The following NCKAP5L variants were observed in gnomAD, a reference collection of about 807,000 sequenced individuals.
NCKAP5L encodes the protein nck-associated protein 5-like.
In NCKAP5L, 54 loss-of-function variants were observed where a neutral mutation model predicts 103.2. The observed-to-expected ratio is 0.52, with a 90% CI of 0.42 to 0.66. The LOEUF (loss-of-function observed/expected upper bound fraction) is 0.66. NCKAP5L is among the 30% of genes least tolerant of loss of function. The probability of loss-of-function intolerance (pLI) is 0.00; values close to 1 mark genes in which losing one functional copy is unlikely to be tolerated. For missense variants in NCKAP5L, 1,733 were observed against 1,750.6 expected (o/e 0.99, Z 0.18); for synonymous variants, 762 against 748.6 (o/e 1.02, Z -0.29).
At chr12:49,819,931 G>C (rs779716850) in intron 1 of NCKAP5L, among the ~76,000 whole-genome samples, 2 of 152,230 alleles carry the variant, frequency 1.3e-5, no homozygotes, top group Non-Finnish European at 2.9e-5. Flanking sequence ...ACAGAAGTGA[G>C]GAGGCAGAAA....
Position 49,796,022 on chromosome 12 carries a change from T to C in NCKAP5L, c.1838A>G (p.Tyr613Cys), listed in dbSNP as rs768670404. The change falls in exon 8 of 13, where the codon TAC becomes TGC. Residue 613 changes from tyrosine to cysteine, a missense_variant. Coordinates refer to ENST00000335999, the MANE Select transcript of NCKAP5L (RefSeq NM_001037806.4). Reference protein sequence around the residue: ...VPPSPCLPESYPYGSPQEKSL... With the variant: ...VPPSPCLPESCPYGSPQEKSL... ...CTTCTCTTGGGGGCTCCCATAGGGG[T>C]ACGATTCTGGGAGGCAAGGACTGGG... The C allele has an allele frequency of 3.2e-6, 5 of 1,552,310 alleles. No individual in the cohort carries two copies. The highest frequency in any genetic ancestry group is 4.3e-6 in the Non-Finnish European group (5 of 1,154,486).
rs1234288036 is a variant in NCKAP5L, at chr12:49,797,344, G to A, written c.516C>T (p.Ala172=). The part of the protein sequence containing the change: ...LRPGGPGPPA[A]PPPALDALSP... ...ATAGGGCATCCAGCGCTGGGGGTGG[G>A]GCGGCTGGGGGGCCTGGGCCTCCTG... The change falls in exon 8 of 13, where the codon GCC becomes GCT. Residue 172 remains alanine (A), a synonymous_variant. Coordinates refer to ENST00000335999, the MANE Select transcript of NCKAP5L (RefSeq NM_001037806.4). This position sits in a 1 kb window ranked among gnomAD's most constrained non-coding sequence, Gnocchi z 4.5. 4.3e-6 allele frequency: 7 copies of A among 1,611,802 alleles called. No individual in the cohort carries two copies. Among genetic ancestry groups the A allele is most frequent in the Non-Finnish European group, 5.9e-6 (7 of 1,179,496 alleles).
At position 49,792,131 on chromosome 12, in the gene NCKAP5L, C is replaced by T. The variant is rs1442518691; in HGVS notation, c.3793-80G>A. 6.2e-6 allele frequency: 8 copies of T among 1,290,358 alleles called. No individual in the cohort carries two copies. The highest frequency in any genetic ancestry group is 2.7e-4 in the Middle Eastern group (1 of 3,666). 79.9% of individuals were successfully genotyped at this position (1,290,358 alleles called of 1,614,324 possible). On this transcript the variant is annotated intron_variant, in intron 12 of 12. Transcript: ENST00000335999. The surrounding 1 kb of genome is among the most constrained non-coding windows in gnomAD (Gnocchi z 4.5). ...CTCAGAGGCACTGAGCTCTGAGGGG[C>T]GTCTGTGCACCTGATGGGGGGCTGC...
Position 49,819,428 on chromosome 12 carries a change from G to T in NCKAP5L, c.-99+8894C>A, listed in dbSNP as rs186711544. 2.6e-4 allele frequency among the ~76,000 whole-genome samples: 40 copies of T among 152,276 alleles called. 1 individual carries two copies. Among genetic ancestry groups the T allele is most frequent in the African/African-American group, 8.4e-4 (35 of 41,560 alleles). ...TAGTCAAGATATGGAACCAACCTAA[G>T]TATCCATCAGTAGATGAATGGATAA... On this transcript the variant is annotated intron_variant, in intron 1 of 12. Transcript: ENST00000335999.
chr12:49,793,271 CG>C, intron 10 of NCKAP5L, 80 bp downstream of exon 10: 1 of 1,390,034 alleles, frequency 7.2e-7, no homozygotes, highest in Non-Finnish European at 1.0e-6. Flanking sequence ...GCACCTGCTG[CG>C]GGGACGGGAA....
intron 5 of NCKAP5L, chr12:49,802,245 G>T: frequency 3.1e-6 from 1 of 321,374 alleles, no homozygotes; most frequent in South Asian, 8.3e-5. Flanking sequence ...TCGACCCCCC[G>T]CCTCTTTTTT....
chr12:49,827,450 C>A (rs558631892), intron 1 of NCKAP5L, among the ~76,000 whole-genome samples: 2 of 152,234 alleles, frequency 1.3e-5, no homozygotes, highest in African/African-American at 4.8e-5. Context: ...GAGGTGAGGG[C>A]CCTCTGTGCC....
chr12:49,804,458 TA>T (rs200038607), intron 2 of NCKAP5L: 4 of 152,308 alleles, frequency 2.6e-5, no homozygotes, highest in Admixed American at 1.3e-4. Context: ...TTGAAGAAGT[TA>T]AAAAAAAACA....
At chr12:49,808,471 C>T (rs1024499025) in intron 1 of NCKAP5L, among the ~76,000 whole-genome samples, 5 of 152,170 alleles carry the variant, frequency 3.3e-5, no homozygotes, top group Non-Finnish European at 7.4e-5. Flanking sequence ...GGGAGGAGCA[C>T]GGGCCATGAG....
In NCKAP5L at chr12:49,798,377, A is replaced by G; in HGVS notation, c.438T>C (p.Pro146=). 1 of 1,565,838 alleles carries G rather than the reference A, an allele frequency of 6.4e-7. No individual in the cohort carries two copies. The highest frequency in any genetic ancestry group is 8.7e-7 in the Non-Finnish European group (1 of 1,154,620). The change falls in exon 7 of 13, where the codon CCT becomes CCC. Residue 146 remains proline, a synonymous_variant. Coordinates refer to ENST00000335999, the MANE Select transcript of NCKAP5L (RefSeq NM_001037806.4). ...SSTEGPAAPL[P]LGHCAGQREV... ...CTCTCTGCCCAGCACAGTGCCCCAGAGGCAGCGGGGCAGCCGGTCCCTCAG... is the reference window on the plus strand; with the variant it reads ...CTCTCTGCCCAGCACAGTGCCCCAGGGGCAGCGGGGCAGCCGGTCCCTCAG...
intron 1 of NCKAP5L, among the ~76,000 whole-genome samples, chr12:49,816,381 C>T (rs1393934145): frequency 6.6e-6 from 1 of 151,012 alleles, no homozygotes; most frequent in African/African-American, 2.4e-5. Flanking sequence ...CCCAAAAGAC[C>T]CCTAACTATC....
intron 1 of NCKAP5L, among the ~76,000 whole-genome samples, chr12:49,809,309 C>G (rs928211147): frequency 1.3e-5 from 2 of 152,170 alleles, no homozygotes; most frequent in Non-Finnish European, 2.9e-5. Context: ...AGACCCCTCC[C>G]TGAACAGAGA....
Position 49,792,486 on chromosome 12 carries a change from C to T in NCKAP5L, c.3752G>A (p.Cys1251Tyr). Residue 1251 changes from cysteine (C) to tyrosine (Y), a missense_variant, in exon 12 of 13, where the codon TGC (cysteine) becomes TAC (tyrosine). Transcript: ENST00000335999. This position sits in a 1 kb window ranked among gnomAD's most constrained non-coding sequence, Gnocchi z 4.5. ...CAGCCCCTCCAGTTGTCGGGGTGGG[C>T]ACATGAGAGGGTCCGAGGAGCTGCC... ...AAGSSSDPLMCPPRQLEGLPR... is the reference protein window; with the variant it reads ...AAGSSSDPLMYPPRQLEGLPR... 1 of 1,613,314 alleles carries T rather than the reference C, an allele frequency of 6.2e-7. No individual in the cohort carries two copies. The highest frequency in any genetic ancestry group is 8.5e-7 in the Non-Finnish European group (1 of 1,179,526).
intron 1 of NCKAP5L, among the ~76,000 whole-genome samples, chr12:49,820,550 T>C (rs1946350298): frequency 2.0e-5 from 3 of 152,054 alleles, no homozygotes; most frequent in Admixed American, 6.6e-5. Flanking sequence ...CTCCTGACCT[T>C]GTGATCCACC....
rs760781267 is a variant in NCKAP5L, at chr12:49,792,717, C to T, written c.3610G>A (p.Ala1204Thr). ...TCATGGCCCCGGTGGCCCGGAGCAG[C>T]GGGTAGCAGTGCAGGGAAGGCTGGC... is the stretch of plus-strand genomic sequence containing the variant. ...SMPAFPALLP[A>T]APGHRGHETC... Residue 1204 changes from alanine to threonine, a missense_variant, in exon 11 of 13, where the codon GCT becomes ACT. Transcript: ENST00000335999. This position sits in a 1 kb window ranked among gnomAD's most constrained non-coding sequence, Gnocchi z 4.5. 18 of 1,610,842 alleles carry T rather than the reference C, an allele frequency of 1.1e-5. No individual in the cohort carries two copies. The East Asian group carries it at 2.2e-4, about 20-fold the overall frequency.
At chr12:49,822,548 A>ATTT (rs776773360) in intron 1 of NCKAP5L, among the ~76,000 whole-genome samples, 3 of 139,482 alleles carry the variant, frequency 2.2e-5, no homozygotes, top group Non-Finnish European at 3.2e-5. Context: ...TGGGAGTGAG[A>ATTT]TTTTTTTTTT....
At chr12:49,801,430 G>A (rs1946116784) in intron 6 of NCKAP5L, among the ~76,000 whole-genome samples, 1 of 152,128 alleles carries the variant, frequency 6.6e-6, no homozygotes. Context: ...GACTGTCTGT[G>A]AACAGTTATC....
At chr12:49,802,092 G>A (rs377187865) in intron 5 of NCKAP5L, 125 bp from the exon 6 acceptor site, 74 of 1,092,198 alleles carry the variant, frequency 6.8e-5, no homozygotes, top group South Asian at 5.1e-4. Flanking sequence ...ACACACTTCC[G>A]CTGCAACCTC....
chr12:49,825,074 C>T (rs986580738), intron 1 of NCKAP5L, among the ~76,000 whole-genome samples: 1 of 152,198 alleles, frequency 6.6e-6, no homozygotes, highest in African/African-American at 2.4e-5. Context: ...GCCTCTGACA[C>T]TCACCACCGC....
Sources: allele counts gnomAD v4.1 joint callset (sites outside exome capture counted in the v4.1 genomes callset), GRCh38; gene constraint gnomAD v4.1.1; non-coding constraint Gnocchi (gnomAD v3.1); transcripts MANE v1.5; gene names NCBI Gene and HGNC (gene_info 2026-07-23, HGNC 2026-07-21).